The following AAK1 variants were observed in gnomAD, a reference collection of about 807,000 sequenced individuals.
AAK1 encodes the protein AP2 associated kinase 1.
Under a neutral mutation model 116.0 loss-of-function variants are expected in AAK1, and 37 were observed. The observed-to-expected ratio is 0.32, with a 90% CI of 0.25 to 0.42. The LOEUF is 0.42. Ranked by LOEUF, AAK1 falls within the 10% of genes least tolerant of loss-of-function variation. The pLI, the probability that AAK1 is intolerant of heterozygous loss-of-function variation, is 1.00. For missense variants in AAK1, 919 were observed against 1,170.6 expected, an observed-to-expected ratio of 0.79 and a Z score of 3.14; for synonymous variants, 458 against 439.9, an observed-to-expected ratio of 1.04 and a Z score of -0.51.
intron 2 of AAK1, chr2:69,598,051 T>C: frequency 2.0e-6 from 1 of 505,912 alleles, no homozygotes; most frequent in East Asian, 3.5e-5. Context: ...GCTTAGAGGG[T>C]GAACACCTTC....
intron 2 of AAK1, chr2:69,594,856 C>T (rs528673583): frequency 8.9e-5 from 139 of 1,557,940 alleles, no homozygotes; most frequent in Admixed American, 1.2e-4. Context: ...GCACTCAAGC[C>T]TTAGCACAAT....
chr2:69,527,593 C>T (rs1178344942), intron 8 of AAK1, among the ~76,000 whole-genome samples: 1 of 152,104 alleles, frequency 6.6e-6, no homozygotes, highest in Non-Finnish European at 1.5e-5. Flanking sequence ...GACTCAAGCT[C>T]TCAATATGAA....
Position 69,466,471 on chromosome 2 carries a change from G to A in AAK1, c.*9398C>T. The A allele has an allele frequency of 7.8e-7, 1 of 1,278,906 alleles. No homozygotes were observed. Among genetic ancestry groups the A allele is most frequent in the Non-Finnish European group, 1.0e-6 (1 of 982,130 alleles). 79.2% of individuals were successfully genotyped at this position (1,278,906 alleles called of 1,614,324 possible). On this transcript the variant is annotated 3_prime_UTR_variant, in exon 22 of 22. Transcript: ENST00000409085. The stretch of plus-strand genomic sequence containing the variant: ...GGTACTCTGGAGGGGTCTGGATACA[G>A]CGGAAGGCCTTTAACACCCAGTGAT...
chr2:69,600,425 A>G (rs1673524482), intron 2 of AAK1, among the ~76,000 whole-genome samples: 1 of 152,110 alleles, frequency 6.6e-6, no homozygotes, highest in African/African-American at 2.4e-5. Flanking sequence ...GCTGATTCCA[A>G]CTCTCATGGA....
intron 13 of AAK1, 49 bp from the exon 14 acceptor site, chr2:69,509,509 T>TGGCTCACGCCTG: frequency 6.8e-7 from 1 of 1,466,728 alleles, no homozygotes; most frequent in Non-Finnish European, 9.2e-7. Context: ...AAAAAAAAAG[T>TGGCTCACGCCTG]TAAAGGAAAA....
intron 2 of AAK1, among the ~76,000 whole-genome samples, chr2:69,634,652 G>A (rs994380783): frequency 2.0e-5 from 3 of 152,222 alleles, no homozygotes; most frequent in Non-Finnish European, 4.4e-5. Context: ...GGTCTGTGGT[G>A]TAGTCTCTAA....
At chr2:69,500,688 TATATATATATACACACAC>T (rs1239673889) in intron 16 of AAK1, among the ~76,000 whole-genome samples, 13 of 112,178 alleles carry the variant, frequency 1.2e-4, no homozygotes, top group African/African-American at 4.7e-4. Flanking sequence ...TATATATATA[TATATATATATACACACAC>T]ACACACACAC....
intron 3 of AAK1, among the ~76,000 whole-genome samples, chr2:69,554,428 A>C (rs1482233895): frequency 6.6e-6 from 1 of 152,244 alleles, no homozygotes; most frequent in Non-Finnish European, 1.5e-5. Context: ...GCAAAGTTAC[A>C]TAGGAAAGGC....
intron 3 of AAK1, among the ~76,000 whole-genome samples, chr2:69,549,745 C>T (rs572148628): frequency 2.8e-4 from 42 of 152,324 alleles, no homozygotes; most frequent in African/African-American, 9.4e-4. Flanking sequence ...TGCTTTTAAT[C>T]TCTGCCTCCC....
At chr2:69,541,227 CTTTT>C (rs545915571) in intron 5 of AAK1, among the ~76,000 whole-genome samples, 9,880 of 125,110 alleles carry the variant, frequency 0.079, 827 homozygotes, top group African/African-American at 0.26. Flanking sequence ...TTTTATACTT[CTTTT>C]TTTTTTTTTT....
At chr2:69,582,018 C>T (rs1261098199) in intron 2 of AAK1, among the ~76,000 whole-genome samples, 3 of 151,622 alleles carry the variant, frequency 2.0e-5, no homozygotes, top group African/African-American at 2.4e-5. Flanking sequence ...AAATCAGTGT[C>T]GTGTGAAAAA....
chr2:69,493,723 G>A (rs1171942854), intron 17 of AAK1, among the ~76,000 whole-genome samples: 1 of 152,176 alleles, frequency 6.6e-6, no homozygotes, highest in Non-Finnish European at 1.5e-5. Context: ...AAGTGCCAGG[G>A]GATGTGACTG....
intron 3 of AAK1, among the ~76,000 whole-genome samples, chr2:69,545,937 AG>A (rs1187902239): frequency 2.6e-5 from 4 of 152,160 alleles, no homozygotes; most frequent in African/African-American, 9.7e-5. Flanking sequence ...TTGAGGGGAA[AG>A]GGTGTTTAGA....
chr2:69,508,331 A>G (rs749744486), intron 14 of AAK1, among the ~76,000 whole-genome samples: 1 of 152,182 alleles, frequency 6.6e-6, no homozygotes, highest in Non-Finnish European at 1.5e-5. Flanking sequence ...CCACCATCAC[A>G]ATTAAAAAGA....
rs545698257 is a variant in AAK1, at chr2:69,567,243, G to T, written c.164-10265C>A. Among the ~76,000 whole-genome samples the T allele has an allele frequency of 2.0e-5, 3 of 152,324 alleles. No individual in the cohort carries two copies. The South Asian group carries it at 6.2e-4, about 32-fold the overall frequency. The stretch of plus-strand genomic sequence containing the variant: ...AGCCACTCCTAGTAATCATCCTTCA[G>T]ATTTCAGGCTAAACGTTACTTCCTT... On this transcript the variant is annotated intron_variant, in intron 2 of 21. Coordinates refer to ENST00000409085, the MANE Select transcript of AAK1 (RefSeq NM_014911.5).
At chr2:69,498,162 AT>A (rs1472194549) in intron 16 of AAK1, among the ~76,000 whole-genome samples, 1 of 152,278 alleles carries the variant, frequency 6.6e-6, no homozygotes, top group Admixed American at 6.5e-5. Flanking sequence ...GGGGCTCAGC[AT>A]CCCCTCTACT....
At chr2:69,480,709 A>G in intron 19 of AAK1, 151 bp downstream of exon 19, 1 of 585,736 alleles carries the variant, frequency 1.7e-6, no homozygotes, top group Non-Finnish European at 2.9e-6. Context: ...AACATCTAGA[A>G]GCCGGGGCTG....
intron 3 of AAK1, among the ~76,000 whole-genome samples, chr2:69,545,002 T>C (rs1407628817): frequency 6.6e-6 from 1 of 152,140 alleles, no homozygotes; most frequent in Admixed American, 6.5e-5. Flanking sequence ...TAGTTCGTAC[T>C]GTTTTTTTCC....
At chr2:69,631,653 CT>C (rs750727083) in intron 2 of AAK1, among the ~76,000 whole-genome samples, 4 of 152,200 alleles carry the variant, frequency 2.6e-5, no homozygotes, top group Non-Finnish European at 5.9e-5. Context: ...AAAAGGAATC[CT>C]CTTTCCTAAC....
Sources: allele counts gnomAD v4.1 joint callset (sites outside exome capture counted in the v4.1 genomes callset), GRCh38; gene constraint gnomAD v4.1.1; transcripts MANE v1.5; gene names NCBI Gene and HGNC (gene_info 2026-07-23, HGNC 2026-07-21).